The following CMYA5 variants were observed in gnomAD, a reference collection of about 807,000 sequenced individuals.
CMYA5 encodes cardiomyopathy-associated protein 5.
In CMYA5, 246 loss-of-function variants were observed where a neutral mutation model predicts 318.9. The observed-to-expected ratio is 0.77, with a 90% confidence interval of 0.70 to 0.86. The LOEUF is 0.86. Ranked by LOEUF, CMYA5 falls within the 40% of genes least tolerant of loss-of-function variation. The probability of loss-of-function intolerance (pLI) is 0.00; values close to 1 mark genes in which losing one functional copy is unlikely to be tolerated. For missense variants in CMYA5, 4,589 were observed against 4,678.2 expected, an observed-to-expected ratio of 0.98 and a Z score of 0.56; for synonymous variants, 1,641 against 1,729.5, an observed-to-expected ratio of 0.95 and a Z score of 1.27.
Position 79,733,439 on chromosome 5 carries a change from C to T in CMYA5, c.4674C>T (p.Ile1558=). Residue 1558 remains isoleucine, a synonymous_variant, in exon 2 of 13, where the codon ATC becomes ATT. Transcript: ENST00000446378. ...QNVSPASKHI[I]PKGKDEETAS... is the part of the protein sequence containing the mutation. ...TGTCACCTGCATCCAAACATATAAT[C>T]CCAAAAGGCAAAGATGAGGAAACAG... 1 of 1,613,828 alleles carries T rather than the reference C, an allele frequency of 6.2e-7. No homozygotes were observed. The highest frequency in any genetic ancestry group is 8.5e-7 in the Non-Finnish European group (1 of 1,179,840).
intron 2 of CMYA5, among the ~76,000 whole-genome samples, chr5:79,740,603 T>C (rs1828190610): frequency 6.6e-6 from 1 of 152,232 alleles, no homozygotes; most frequent in African/African-American, 2.4e-5. Context: ...GCATTCTTTC[T>C]GGCTATGTCT....
At chr5:79,722,137 C>G (rs1827651954) in intron 1 of CMYA5, among the ~76,000 whole-genome samples, 1 of 151,996 alleles carries the variant, frequency 6.6e-6, no homozygotes, top group Non-Finnish European at 1.5e-5. Context: ...TGCAATTAAA[C>G]TAGAAAGTAA....
At chr5:79,745,876 G>C (rs1458520601) in intron 4 of CMYA5, among the ~76,000 whole-genome samples, 1 of 152,228 alleles carries the variant, frequency 6.6e-6, no homozygotes, top group Non-Finnish European at 1.5e-5. Context: ...CCCCCTCTGA[G>C]CCTGGCCAAG....
At chr5:79,713,313 C>T (rs1184890401) in intron 1 of CMYA5, among the ~76,000 whole-genome samples, 3 of 130,504 alleles carry the variant, frequency 2.3e-5, no homozygotes, top group East Asian at 2.8e-4. Flanking sequence ...ACCCCCCACC[C>T]GCCGTCACAA....
At chr5:79,756,060 C>T (rs908391721) in intron 6 of CMYA5, among the ~76,000 whole-genome samples, 1 of 152,218 alleles carries the variant, frequency 6.6e-6, no homozygotes, top group African/African-American at 2.4e-5. Flanking sequence ...AGATGATCGA[C>T]AATCCTTGAA....
intron 1 of CMYA5, among the ~76,000 whole-genome samples, chr5:79,709,802 C>CA (rs1402239554): frequency 2.7e-5 from 4 of 148,440 alleles, no homozygotes; most frequent in African/African-American, 4.9e-5. Context: ...TACAAAAATA[C>CA]AAAAAAAAAT....
intron 9 of CMYA5, 139 bp from the exon 10 acceptor site, chr5:79,788,832 C>T (rs1213479734): frequency 2.5e-6 from 2 of 790,602 alleles, no homozygotes; most frequent in African/African-American, 3.5e-5. Context: ...ACCTGGCTTG[C>T]TAATCCAGTG....
At chr5:79,713,304 C>G (rs1050469697) in intron 1 of CMYA5, among the ~76,000 whole-genome samples, 4 of 118,512 alleles carry the variant, frequency 3.4e-5, no homozygotes, top group African/African-American at 1.1e-4. Context: ...CCCGCCCCCA[C>G]CCCCCACCCG....
At chr5:79,718,326 A>G (rs1249351652) in intron 1 of CMYA5, among the ~76,000 whole-genome samples, 1 of 152,176 alleles carries the variant, frequency 6.6e-6, no homozygotes, top group Non-Finnish European at 1.5e-5. Flanking sequence ...CCATTTTTTA[A>G]AAGACTCATA....
intron 1 of CMYA5, among the ~76,000 whole-genome samples, chr5:79,716,597 T>C (rs1827522297): frequency 6.6e-6 from 1 of 152,242 alleles, no homozygotes; most frequent in South Asian, 2.1e-4. Flanking sequence ...ATTACTATCA[T>C]GCATTTTAAG....
rs1266983078 is a variant in CMYA5 at position 79,738,527 on chromosome 5, T to C, written c.9762T>C (p.Thr3254=). The part of the protein sequence containing the change: ...KDDILHDTSL[T]QKDQGQGLEE... ...ACATTCTCCATGACACATCTCTAAC[T>C]CAAAAGGACCAGGGCCAAGGTCTGG... Residue 3254 remains threonine, a synonymous_variant, in exon 2 of 13, where the codon ACT becomes ACC. Coordinates refer to ENST00000446378, the MANE Select transcript of CMYA5 (RefSeq NM_153610.5). The C allele has an allele frequency of 6.2e-7, 1 of 1,613,280 alleles. No homozygotes were observed.
At chr5:79,721,554 A>T (rs12518982) in intron 1 of CMYA5, among the ~76,000 whole-genome samples, 8 of 152,046 alleles carry the variant, frequency 5.3e-5, no homozygotes, top group African/African-American at 1.9e-4. Context: ...ACATATCTAA[A>T]GTATAAAGAT....
chr5:79,718,503 C>T (rs565352068), intron 1 of CMYA5, among the ~76,000 whole-genome samples: 11 of 152,130 alleles, frequency 7.2e-5, no homozygotes, highest in African/African-American at 1.7e-4. Flanking sequence ...GAAAGATATC[C>T]GACCTATTAC....
rs1561631550 is a variant in CMYA5 at position 79,713,296 on chromosome 5, C to CCCA, written c.150-15619_150-15618insCCA. 4.9e-3 allele frequency among the ~76,000 whole-genome samples: 228 copies of CCCA among 46,846 alleles called. 2 individuals are homozygous for CCCA. Among genetic ancestry groups the CCCA allele is most frequent in the African/African-American group, 0.015 (190 of 12,614 alleles). The allele number at this position is 46,846 out of a possible 152,430, so 30.7% of individuals were successfully genotyped here. On this transcript the variant is annotated intron_variant, in intron 1 of 12. Transcript: ENST00000446378. ...GGACAGTCCCCACCCCGCTGCACCC[C>CCCA]GCCCCCACCCCCCACCCGCCGTCAC...
At chr5:79,692,843 T>A (rs1369771949) in intron 1 of CMYA5, among the ~76,000 whole-genome samples, 1 of 152,230 alleles carries the variant, frequency 6.6e-6, no homozygotes, top group East Asian at 1.9e-4. Context: ...GTATAAATAA[T>A]GATCCTATTT....
At chr5:79,746,342 A>C (rs73773432) in intron 4 of CMYA5, among the ~76,000 whole-genome samples, 1,919 of 152,268 alleles carry the variant, frequency 0.013, 30 homozygotes, top group African/African-American at 0.044. Flanking sequence ...GCCAGGGCAA[A>C]TTTTGGTGAA....
At position 79,758,777 on chromosome 5, in the gene CMYA5, C is replaced by A; in HGVS notation, c.11135C>A (p.Pro3712His). The change falls in exon 7 of 13, where the codon CCT becomes CAT. Residue 3712 changes from proline (P) to histidine (H), a missense_variant. This residue lies in a region of CMYA5 where 2,431 missense variants were observed against 2,495.1 expected (regional missense o/e 0.97). Coordinates refer to ENST00000446378, the MANE Select transcript of CMYA5 (RefSeq NM_153610.5). ...VAVPQPPRLE[P>H]QEPNSATSTT... ...GTTCCACAGCCTCCTAGATTAGAACCTCAGGAACCAAATTCTGCCACCAGC... is the reference window on the plus strand; with the variant it reads ...GTTCCACAGCCTCCTAGATTAGAACATCAGGAACCAAATTCTGCCACCAGC... 6.2e-7 allele frequency: 1 copy of A among 1,603,874 alleles called. No individual in the cohort carries two copies. Among genetic ancestry groups the A allele is most frequent in the South Asian group, 1.1e-5 (1 of 89,176 alleles).
rs1477208439 is a variant in CMYA5, at chr5:79,733,653, CA to C, written c.4890del (p.Gln1630HisfsTer16). ...LEPEKKDKPH[Q>X]PLELPNAGSE... ...ACCTGAGAAGAAAGACAAGCCACAC[CA>C]ACCGTTGGAATTACCAAATGCTGGG... On this transcript the variant is annotated frameshift_variant, in exon 2 of 13. Transcript: ENST00000446378. LOFTEE classifies it high-confidence loss of function. The C allele has an allele frequency of 6.2e-7, 1 of 1,613,872 alleles. No individual in the cohort carries two copies.
chr5:79,726,100 G>A (rs1355538304), intron 1 of CMYA5, among the ~76,000 whole-genome samples: 4 of 152,126 alleles, frequency 2.6e-5, no homozygotes, highest in Non-Finnish European at 4.4e-5. Flanking sequence ...AGTAAGCAAC[G>A]ATTGAGTGAG....
Sources: gnomAD v4.1 joint callset for allele counts (sites outside exome capture counted in the v4.1 genomes callset) on GRCh38, gnomAD v4.1.1 for gene constraint, gnomAD v4.1.1 regional missense constraint, MANE v1.5 for transcripts, NCBI Gene and HGNC (gene_info 2026-07-23, HGNC 2026-07-21) for gene names.